Variants in TIMMDC1 observed in about 807,000 individuals in gnomAD.
TIMMDC1 encodes complex I assembly factor TIMMDC1, mitochondrial.
A neutral mutation model predicts 32.6 loss-of-function variants in TIMMDC1; 25 were observed. The observed-to-expected ratio is 0.77, with a 90% CI of 0.56 to 1.07. The LOEUF (loss-of-function observed/expected upper bound fraction) is 1.07, where lower values mean the gene tolerates loss of function less well. Ranked by LOEUF, TIMMDC1 falls within the 50% of genes least tolerant of loss-of-function variation. The pLI is 0.00. For synonymous variants in TIMMDC1, 130 were observed against 127.6 expected (o/e 1.02, Z -0.13); for missense variants, 329 against 349.2 (o/e 0.94, Z 0.46).
At position 119,509,557 on chromosome 3, in the gene TIMMDC1, A is replaced by C. The variant is rs535659737; in HGVS notation, c.518-4084A>C. On this transcript the variant is annotated intron_variant, in intron 4 of 6. Coordinates refer to ENST00000494664, the MANE Select transcript of TIMMDC1 (RefSeq NM_016589.4). ...AATAAGCAGATCTGTAGAGTTAGAAAGTACATTAGTGGATTGAGGTGAGAT... is the reference window on the plus strand; with the variant it reads ...AATAAGCAGATCTGTAGAGTTAGAACGTACATTAGTGGATTGAGGTGAGAT... Among the ~76,000 whole-genome samples, 3 of 152,356 alleles carry C rather than the reference A, an allele frequency of 2.0e-5. No homozygotes were observed. In the East Asian group the frequency reaches 5.8e-4, roughly 29 times the overall value.
chr3:119,503,674 G>A lies in TIMMDC1; in HGVS notation c.449+54G>A, dbSNP rs1208333784. The A allele has an allele frequency of 7.0e-6, 10 of 1,427,692 alleles. No individual in the cohort carries two copies. The East Asian group carries it at 1.7e-4, about 24-fold the overall frequency. The allele number at this position is 1,427,692 out of a possible 1,614,324, so 88.4% of individuals were successfully genotyped here. A position where few individuals can be genotyped will look rare whatever the true frequency, so the allele number is the denominator to read the frequency against. On this transcript the variant is annotated intron_variant, in intron 3 of 6. Transcript: ENST00000494664. Reference sequence around the variant, plus strand: ...GAATTTTCTTGATATTGTTTTAGGAGTGTGTCTTTTGAGCAGGTGGGGTTA... The same window carrying A: ...GAATTTTCTTGATATTGTTTTAGGAATGTGTCTTTTGAGCAGGTGGGGTTA...
intron 4 of TIMMDC1, among the ~76,000 whole-genome samples, chr3:119,512,341 C>A (rs1366973298): frequency 6.6e-6 from 1 of 152,124 alleles, no homozygotes; most frequent in Admixed American, 6.5e-5. Context: ...TGCAGTGACG[C>A]GATCTCGGCT....
chr3:119,498,662 C>T lies in TIMMDC1; in HGVS notation c.-72C>T, dbSNP rs556501595. On this transcript the variant is annotated 5_prime_UTR_variant, in exon 1 of 7. Coordinates refer to ENST00000494664, the MANE Select transcript of TIMMDC1 (RefSeq NM_016589.4). ...CGGATTCTCACCTCGTACAGTTACG[C>T]TCTCCCGCGGCACGTCCGCGAGGAC... 63 of 1,482,330 alleles carry T rather than the reference C, an allele frequency of 4.3e-5. No homozygotes were observed. The East Asian group carries it at 1.4e-3, about 32-fold the overall frequency. 91.8% of individuals were successfully genotyped at this position (1,482,330 alleles called of 1,614,324 possible).
chr3:119,516,624 A>T (rs1270580637), intron 5 of TIMMDC1, among the ~76,000 whole-genome samples: 1 of 152,072 alleles, frequency 6.6e-6, no homozygotes, highest in Non-Finnish European at 1.5e-5. Context: ...CAAGAACCAA[A>T]CTCTCTTCAT....
At chr3:119,521,367 C>T (rs150982422) in intron 6 of TIMMDC1, among the ~76,000 whole-genome samples, 1,981 of 152,138 alleles carry the variant, frequency 0.013, 38 homozygotes, top group African/African-American at 0.045. Flanking sequence ...CCAGCCTGAC[C>T]GACATGGTGA....
intron 6 of TIMMDC1, among the ~76,000 whole-genome samples, chr3:119,522,595 G>GT (rs2082034309): frequency 6.6e-6 from 1 of 152,142 alleles, no homozygotes; most frequent in South Asian, 2.1e-4. Context: ...AATGATAAAT[G>GT]TTTGAGGTGA....
chr3:119,499,943 T>C (rs1326815226), intron 1 of TIMMDC1, among the ~76,000 whole-genome samples: 2 of 152,180 alleles, frequency 1.3e-5, no homozygotes, highest in African/African-American at 4.8e-5. Context: ...TAAAAAAACA[T>C]TTATTTGTTT....
At chr3:119,515,508 C>T (rs2081980408) in intron 5 of TIMMDC1, among the ~76,000 whole-genome samples, 1 of 152,156 alleles carries the variant, frequency 6.6e-6, no homozygotes, top group South Asian at 2.1e-4. Flanking sequence ...AATTAGTAAC[C>T]TTAATTACAT....
chr3:119,518,215 A>AAGATGAATATAACAGGCTGCCATCT (rs2081998602), intron 6 of TIMMDC1, among the ~76,000 whole-genome samples: 1 of 152,190 alleles, frequency 6.6e-6, no homozygotes. Flanking sequence ...TTCAATATGT[A>AAGATGAATATAACAGGCTGCCATCT]AGATGAATAT....
At chr3:119,512,423 T>C (rs1203640263) in intron 4 of TIMMDC1, among the ~76,000 whole-genome samples, 3 of 151,586 alleles carry the variant, frequency 2.0e-5, no homozygotes, top group Non-Finnish European at 4.4e-5. Context: ...GGATTACAGG[T>C]GTGTGCCGCC....
At chr3:119,501,123 C>G (rs1445777123) in intron 2 of TIMMDC1, among the ~76,000 whole-genome samples, 1 of 152,186 alleles carries the variant, frequency 6.6e-6, no homozygotes, top group Non-Finnish European at 1.5e-5. Context: ...CTTCCAATCC[C>G]CTGCTAAATC....
At chr3:119,504,247 A>T (rs988030275) in intron 4 of TIMMDC1, among the ~76,000 whole-genome samples, 2 of 152,220 alleles carry the variant, frequency 1.3e-5, no homozygotes, top group Non-Finnish European at 2.9e-5. Flanking sequence ...TCTAATATGT[A>T]TGTGATAATA....
rs1577104817 is a variant in TIMMDC1 at position 119,523,941 on chromosome 3, A to G, written c.*185A>G. 4.3e-6 allele frequency: 2 copies of G among 469,282 alleles called. No homozygotes were observed. Among genetic ancestry groups the G allele is most frequent in the Non-Finnish European group, 3.7e-6 (1 of 270,922 alleles). 29.1% of individuals were successfully genotyped at this position (469,282 alleles called of 1,614,324 possible). A position where few individuals can be genotyped will look rare whatever the true frequency, so the allele number is the denominator to read the frequency against. On this transcript the variant is annotated 3_prime_UTR_variant, in exon 7 of 7. Coordinates refer to ENST00000494664, the MANE Select transcript of TIMMDC1 (RefSeq NM_016589.4). ...CTAAGAATGGGGCTGTTGTACTCTC[A>G]CTTTACTTATCCTTAAATTTAAATA... is the stretch of plus-strand genomic sequence containing the variant.
rs11329774 is a variant in TIMMDC1 at position 119,499,418 on chromosome 3, CTT to C, written c.194+506_194+507del. On this transcript the variant is annotated intron_variant, in intron 1 of 6. Coordinates refer to ENST00000494664, the MANE Select transcript of TIMMDC1 (RefSeq NM_016589.4). ...CCAGCCCAAACTCGTATTTTTCTTT[CTT>C]TTTTTTTTTTTTTTCGAGACTGAGT... Among the ~76,000 whole-genome samples, 875 of 115,106 alleles carry C rather than the reference CTT, an allele frequency of 7.6e-3. 5 individuals are homozygous for C. Among genetic ancestry groups the C allele is most frequent in the Middle Eastern group, 0.025 (4 of 158 alleles). The allele number at this position is 115,106 out of a possible 152,430, so 75.5% of individuals were successfully genotyped here. A position where few individuals can be genotyped will look rare whatever the true frequency, so the allele number is the denominator to read the frequency against.
intron 3 of TIMMDC1, 83 bp from the exon 4 acceptor site, chr3:119,503,871 T>A: frequency 1.6e-6 from 2 of 1,230,156 alleles, no homozygotes; most frequent in Admixed American, 3.8e-5. Context: ...TCTAAATCTA[T>A]TAAGTCAGTG....
At chr3:119,517,137 G>A in intron 5 of TIMMDC1, 68 bp from the exon 6 acceptor site, 2 of 944,470 alleles carry the variant, frequency 2.1e-6, no homozygotes, top group South Asian at 1.4e-5. Flanking sequence ...CACCTTAGCA[G>A]AGAATCTCAC....
rs11317621 is a variant in TIMMDC1, at chr3:119,499,092, CTTTTTT to C, written c.194+178_194+183del. The C allele has an allele frequency of 7.4e-3, 2,970 of 402,258 alleles. 34 individuals carry two copies. In the East Asian group the frequency reaches 0.076, roughly 10 times the overall value. 24.9% of individuals were successfully genotyped at this position (402,258 alleles called of 1,614,324 possible). On this transcript the variant is annotated intron_variant, in intron 1 of 6. Coordinates refer to ENST00000494664, the MANE Select transcript of TIMMDC1 (RefSeq NM_016589.4). The stretch of plus-strand genomic sequence containing the variant: ...ACCCAAGCTTGTATCTTTTTTCTTT[CTTTTTT>C]TTTTTTTTTTTTCCAGACAGGGTCT...
At chr3:119,503,488 TATG>T in intron 2 of TIMMDC1, 41 bp from the exon 3 acceptor site, 1 of 1,476,602 alleles carries the variant, frequency 6.8e-7, no homozygotes, top group Non-Finnish European at 9.2e-7. Flanking sequence ...ATAAGGAAAA[TATG>T]ATGGTGTCTT....
chr3:119,523,259 A>G (rs1331964160), intron 6 of TIMMDC1, among the ~76,000 whole-genome samples: 2 of 152,168 alleles, frequency 1.3e-5, no homozygotes, highest in Non-Finnish European at 2.9e-5. Flanking sequence ...CAGCCCTGGG[A>G]GCAAGAGGAC....
Sources: gnomAD v4.1 joint callset for allele counts (sites outside exome capture counted in the v4.1 genomes callset) on GRCh38, gnomAD v4.1.1 for gene constraint, MANE v1.5 for transcripts, NCBI Gene and HGNC (gene_info 2026-07-23, HGNC 2026-07-21) for gene names.